The following BABAM2 variants were observed in gnomAD, a reference collection of about 807,000 sequenced individuals.
The protein encoded by BABAM2 is BRISC and BRCA1-A complex member 2.
A neutral mutation model predicts 54.7 loss-of-function variants in BABAM2; 31 were observed. That is an observed-to-expected ratio of 0.57 (90% CI 0.43 to 0.77). The LOEUF is 0.77. Ranked by LOEUF, BABAM2 falls within the 30% of genes least tolerant of loss-of-function variation. The probability of loss-of-function intolerance (pLI) is 0.00; values close to 1 mark genes in which losing one functional copy is unlikely to be tolerated. For missense variants in BABAM2, 364 were observed against 455.8 expected, an observed-to-expected ratio of 0.80 and a Z score of 1.83; for synonymous variants, 167 against 162.9, an observed-to-expected ratio of 1.03 and a Z score of -0.19.
intron 7 of BABAM2, among the ~76,000 whole-genome samples, chr2:28,182,598 AG>A (rs1233703858): frequency 1.3e-5 from 2 of 152,162 alleles, no homozygotes; most frequent in Non-Finnish European, 2.9e-5. Context: ...AAGGCTTTAG[AG>A]TGTCTGTATG....
At chr2:28,248,209 T>TTTTCTTTTTTTTC (rs577163923) in intron 10 of BABAM2, among the ~76,000 whole-genome samples, 2 of 100,008 alleles carry the variant, frequency 2.0e-5, no homozygotes, top group Admixed American at 1.0e-4. Context: ...TTCTTTTTCT[T>TTTTCTTTTTTTTC]TTTTTTTTTT....
chr2:28,112,143 TTCTTTACCTCCCTCCCTCCCTCCC>T (rs1668112406), intron 6 of BABAM2, among the ~76,000 whole-genome samples: 14 of 12,558 alleles, frequency 1.1e-3, no homozygotes, highest in South Asian at 5.5e-3. Flanking sequence ...CTTTCTTTCT[TTCTTTACCTCCCTCCCTCCCTCCC>T]TCCCTCCCTC....
Position 28,185,884 on chromosome 2 carries a change from T to C in BABAM2, c.681-51318T>C, listed in dbSNP as rs546217399. On this transcript the variant is annotated intron_variant, in intron 7 of 11. Coordinates refer to ENST00000379624, the MANE Select transcript of BABAM2 (RefSeq NM_199191.3). ...CAGGAATCGTGCTCTTTTAAATATATCTTTTTCATAAAAGTTATTTTAAAA... is the reference window on the plus strand; with the variant it reads ...CAGGAATCGTGCTCTTTTAAATATACCTTTTTCATAAAAGTTATTTTAAAA... Among the ~76,000 whole-genome samples the C allele has an allele frequency of 3.0e-3, 450 of 152,226 alleles. 1 individual carries two copies. The highest frequency in any genetic ancestry group is 5.4e-3 in the Admixed American group (83 of 15,290).
intron 3 of BABAM2, among the ~76,000 whole-genome samples, chr2:27,948,838 TTCTG>T (rs1573239426): frequency 6.6e-6 from 1 of 152,234 alleles, no homozygotes; most frequent in African/African-American, 2.4e-5. Flanking sequence ...GGGAAAATAA[TTCTG>T]TCTTTCACCA....
At chr2:27,974,476 C>G (rs1417203482) in intron 3 of BABAM2, among the ~76,000 whole-genome samples, 1 of 152,034 alleles carries the variant, frequency 6.6e-6, no homozygotes, top group Non-Finnish European at 1.5e-5. Context: ...ATGCAAGTCT[C>G]CATATTAACA....
Position 28,196,836 on chromosome 2 carries a change from C to CTTTTTTTTTTTTTT in BABAM2, c.681-40352_681-40339dup, listed in dbSNP as rs759950166. On this transcript the variant is annotated intron_variant, in intron 7 of 11. Coordinates refer to ENST00000379624, the MANE Select transcript of BABAM2 (RefSeq NM_199191.3). ...CCTGGGTGACAGAGTGAGACCCTGT[C>CTTTTTTTTTTTTTT]TTTTTTTTTTTTTTTTTTTTTTTTT... Among the ~76,000 whole-genome samples, 17 of 40,244 alleles carry CTTTTTTTTTTTTTT rather than the reference C, an allele frequency of 4.2e-4. 6 individuals are homozygous for CTTTTTTTTTTTTTT. Among genetic ancestry groups the CTTTTTTTTTTTTTT allele is most frequent in the African/African-American group, 6.7e-4 (7 of 10,468 alleles). The allele number at this position is 40,244 out of a possible 152,430, so 26.4% of individuals were successfully genotyped here.
Position 28,031,432 on chromosome 2 carries a change from A to G in BABAM2, c.495+6012A>G, listed in dbSNP as rs571368795. Among the ~76,000 whole-genome samples, 23 of 152,282 alleles carry G rather than the reference A, an allele frequency of 1.5e-4. No individual in the cohort carries two copies. In the South Asian group the frequency reaches 4.8e-3, roughly 32 times the overall value. ...AGATAGCTATTGTGCAAGATTACAGAATCAACATTAAAAATTATTTTTGTG... is the reference window on the plus strand; with the variant it reads ...AGATAGCTATTGTGCAAGATTACAGGATCAACATTAAAAATTATTTTTGTG... On this transcript the variant is annotated intron_variant, in intron 5 of 11. Coordinates refer to ENST00000379624, the MANE Select transcript of BABAM2 (RefSeq NM_199191.3).
chr2:27,907,368 G>A (rs141499339), intron 2 of BABAM2, among the ~76,000 whole-genome samples: 58 of 151,396 alleles, frequency 3.8e-4, no homozygotes, highest in Middle Eastern at 3.4e-3. Context: ...TTGATGTTCC[G>A]CTTTTAAGTA....
At chr2:27,909,703 A>G (rs535879226) in intron 2 of BABAM2, among the ~76,000 whole-genome samples, 3 of 152,214 alleles carry the variant, frequency 2.0e-5, no homozygotes, top group Non-Finnish European at 4.4e-5. Context: ...AGACCTTTGT[A>G]TCACTAGTAT....
chr2:27,972,911 C>T (rs911625943), intron 3 of BABAM2, among the ~76,000 whole-genome samples: 7 of 151,326 alleles, frequency 4.6e-5, no homozygotes, highest in Non-Finnish European at 8.8e-5. Context: ...GGACTACAGG[C>T]GCGCACCCCC....
intron 6 of BABAM2, among the ~76,000 whole-genome samples, chr2:28,061,091 C>A (rs4340462): frequency 1 from 151,745 of 152,330 alleles, 75,588 homozygotes; most frequent in Middle Eastern, 1. Context: ...TTATAAAGCT[C>A]CAGTAATCAA....
At chr2:28,026,901 TATATAA>T (rs1675830712) in intron 5 of BABAM2, among the ~76,000 whole-genome samples, 2 of 51,938 alleles carry the variant, frequency 3.9e-5, no homozygotes, top group Admixed American at 2.8e-4. Flanking sequence ...TATATAAATA[TATATAA>T]ATATATATTA....
intron 10 of BABAM2, among the ~76,000 whole-genome samples, chr2:28,257,700 A>G (rs1248643306): frequency 1.3e-5 from 2 of 152,152 alleles, no homozygotes; most frequent in Non-Finnish European, 2.9e-5. Context: ...CCTGAGCAAC[A>G]TTGCAAGACC....
At chr2:28,142,350 G>T (rs968063784) in intron 7 of BABAM2, among the ~76,000 whole-genome samples, 7 of 152,238 alleles carry the variant, frequency 4.6e-5, no homozygotes, top group Middle Eastern at 6.8e-3. Context: ...TCCTGTCTGT[G>T]AACATTCTCT....
At chr2:28,091,859 A>G (rs1396590225) in intron 6 of BABAM2, among the ~76,000 whole-genome samples, 2 of 152,192 alleles carry the variant, frequency 1.3e-5, no homozygotes, top group East Asian at 3.8e-4. Context: ...TACCTTACAC[A>G]TAAAATGTCA....
Position 28,119,150 on chromosome 2 carries a change from G to A in BABAM2, c.571-10121G>A, listed in dbSNP as rs192686512. Among the ~76,000 whole-genome samples, 403 of 152,308 alleles carry A rather than the reference G, an allele frequency of 2.6e-3. 1 individual carries two copies. The highest frequency in any genetic ancestry group is 7.0e-3 in the African/African-American group (289 of 41,560). ...GCCTTGTAGTATAGGTTGGAGTCAC[G>A]TAGCATGATGCCTCCAGCTTTGTTC... On this transcript the variant is annotated intron_variant, in intron 6 of 11. Coordinates refer to ENST00000379624, the MANE Select transcript of BABAM2 (RefSeq NM_199191.3).
At chr2:27,979,840 G>T (rs1671877252) in intron 3 of BABAM2, among the ~76,000 whole-genome samples, 1 of 152,124 alleles carries the variant, frequency 6.6e-6, no homozygotes. Flanking sequence ...AGTATCCTGT[G>T]GACAGGCTGT....
At chr2:27,962,941 G>C (rs1350481) in intron 3 of BABAM2, among the ~76,000 whole-genome samples, 112,528 of 152,088 alleles carry the variant, frequency 0.74, 42,631 homozygotes, top group Middle Eastern at 0.89. Flanking sequence ...TATTTTTGTC[G>C]TAGGAACAAA....
intron 10 of BABAM2, among the ~76,000 whole-genome samples, chr2:28,271,512 G>A (rs1685429482): frequency 6.6e-6 from 1 of 152,174 alleles, no homozygotes; most frequent in Non-Finnish European, 1.5e-5. Flanking sequence ...TTCAAAGAAA[G>A]AAATTTTGAG....
Sources: allele counts gnomAD v4.1 joint callset (sites outside exome capture counted in the v4.1 genomes callset), GRCh38; gene constraint gnomAD v4.1.1; transcripts MANE v1.5; gene names NCBI Gene and HGNC (gene_info 2026-07-23, HGNC 2026-07-21).